Variants in SPP1 observed in about 807,000 individuals in gnomAD.
The protein encoded by SPP1 is osteopontin.
SPP1 carries 18 observed loss-of-function variants against 20.8 expected under a neutral mutation model. The ratio of observed to expected loss-of-function variants is 0.87; its 90% CI spans 0.60 to 1.29. The LOEUF (loss-of-function observed/expected upper bound fraction) is 1.29. Ranked by LOEUF, SPP1 falls within the 50% of genes most tolerant of loss-of-function variation. The pLI, the probability that SPP1 is intolerant of heterozygous loss-of-function variation, is 0.00. For synonymous variants in SPP1, 146 were observed against 141.5 expected (o/e 1.03, Z -0.23); for missense variants, 363 against 389.0 (o/e 0.93, Z 0.56).
chr4:87,980,654 T>G (rs1725603637), intron 5 of SPP1: 1 of 551,770 alleles, frequency 1.8e-6, no homozygotes, highest in African/African-American at 1.9e-5. Context: ...ATGCCTGTTA[T>G]TTGAAACATT....
At chr4:87,978,594 G>A (rs575160808) in intron 3 of SPP1, among the ~76,000 whole-genome samples, 12 of 151,980 alleles carry the variant, frequency 7.9e-5, no homozygotes, top group Non-Finnish European at 1.8e-4. Context: ...GTGTTAGCCA[G>A]GATGGTCTCC....
rs185807861 is a variant in SPP1, at chr4:87,977,240, A to C, written c.93+143A>C. 224 of 833,144 alleles carry C rather than the reference A, an allele frequency of 2.7e-4. 2 individuals are homozygous for C. The East Asian group carries it at 5.9e-3, about 22-fold the overall frequency. The allele number at this position is 833,144 out of a possible 1,614,324, so 51.6% of individuals were successfully genotyped here. A position where few individuals can be genotyped will look rare whatever the true frequency, so the allele number is the denominator to read the frequency against. ...AGTATTGATTGACTGCCTGCTATGA[A>C]TCTAGGCCAGTACCAAGCACAGTAT... On this transcript the variant is annotated intron_variant, in intron 3 of 6. Coordinates refer to ENST00000395080, the MANE Select transcript of SPP1 (RefSeq NM_001040058.2).
At chr4:87,981,924 C>A in intron 6 of SPP1, 126 bp downstream of exon 6, 1 of 840,818 alleles carries the variant, frequency 1.2e-6, no homozygotes, top group Non-Finnish European at 1.8e-6. Flanking sequence ...CATTCATATT[C>A]TACTTTATGA....
intron 3 of SPP1, among the ~76,000 whole-genome samples, chr4:87,979,381 G>A (rs1218289976): frequency 6.6e-6 from 1 of 151,600 alleles, no homozygotes; most frequent in Non-Finnish European, 1.5e-5. Context: ...CACTGTGTTA[G>A]CCAGGATGTT....
chr4:87,981,667 C>G lies in SPP1; in HGVS notation c.409C>G (p.Pro137Ala), dbSNP rs763908241. 6 of 1,614,174 alleles carry G rather than the reference C, an allele frequency of 3.7e-6. No homozygotes were observed. Among genetic ancestry groups the G allele is most frequent in the Non-Finnish European group, 5.1e-6 (6 of 1,180,032 alleles). The change falls in exon 6 of 7, where the codon CCC (proline) becomes GCC (alanine). Residue 137 changes from proline (P) to alanine (A), a missense_variant. Coordinates refer to ENST00000395080, the MANE Select transcript of SPP1 (RefSeq NM_001040058.2). Reference protein sequence around the residue: ...DESDELVTDFPTDLPATEVFT... With the variant: ...DESDELVTDFATDLPATEVFT... ...ATCTGATGAACTGGTCACTGATTTT[C>G]CCACGGACCTGCCAGCAACCGAAGT...
Position 87,983,380 on chromosome 4 carries a change from A to T in SPP1, c.*484A>T, listed in dbSNP as rs1560584791. On this transcript the variant is annotated 3_prime_UTR_variant, in exon 7 of 7. Coordinates refer to ENST00000395080, the MANE Select transcript of SPP1 (RefSeq NM_001040058.2). Reference sequence around the variant, plus strand: ...ATTTGTTTTCCCACGGTTGTCCAGCAATTAATAAAACATAACCTTTTTTAC... The same window carrying T: ...ATTTGTTTTCCCACGGTTGTCCAGCTATTAATAAAACATAACCTTTTTTAC... 2 of 155,046 alleles carry T rather than the reference A, an allele frequency of 1.3e-5. No individual in the cohort carries two copies. The highest frequency in any genetic ancestry group is 1.3e-4 in the Admixed American group (2 of 15,622). The allele number at this position is 155,046 out of a possible 1,614,324, so 9.6% of individuals were successfully genotyped here.
At chr4:87,978,822 C>A (rs1725519363) in intron 3 of SPP1, among the ~76,000 whole-genome samples, 1 of 152,172 alleles carries the variant, frequency 6.6e-6, no homozygotes, top group Non-Finnish European at 1.5e-5. Context: ...TACTCATCCA[C>A]CCCTTAGGTG....
intron 3 of SPP1, chr4:87,977,859 T>G: frequency 8.1e-7 from 1 of 1,237,334 alleles, no homozygotes. Flanking sequence ...AAGTATTCTG[T>G]GTTCGTTTGT....
At chr4:87,978,898 T>C (rs958124631) in intron 3 of SPP1, among the ~76,000 whole-genome samples, 1 of 152,128 alleles carries the variant, frequency 6.6e-6, no homozygotes, top group Non-Finnish European at 1.5e-5. Context: ...ATGTAATGAT[T>C]GGCCCTGGAT....
chr4:87,980,464 T>C, intron 5 of SPP1, 30 bp downstream of exon 5: 2 of 1,612,128 alleles, frequency 1.2e-6, no homozygotes, highest in Middle Eastern at 1.7e-4. Flanking sequence ...CAGAGGCCCA[T>C]CATGCCTTGA....
intron 5 of SPP1, 24 bp downstream of exon 5, chr4:87,980,458 G>A (rs1560582668): frequency 6.2e-7 from 1 of 1,612,826 alleles, no homozygotes; most frequent in Admixed American, 1.7e-5. Context: ...TTCAATCAGA[G>A]GCCCATCATG....
At position 87,977,053 on chromosome 4, in the gene SPP1, TC is replaced by T; in HGVS notation, c.55-5del. 1 of 1,614,086 alleles carries T rather than the reference TC, an allele frequency of 6.2e-7. No individual in the cohort carries two copies. Among genetic ancestry groups the T allele is most frequent in the Non-Finnish European group, 8.5e-7 (1 of 1,179,968 alleles). ...GTAATCTTTCTTCATCTTTTCTGTT[TC>T]TAAGGTTAAACAGGCTGATTCTGGA... is the stretch of plus-strand genomic sequence containing the variant. On this transcript the variant is annotated splice_polypyrimidine_tract_variant and splice_region_variant and intron_variant, in intron 2 of 6. Coordinates refer to ENST00000395080, the MANE Select transcript of SPP1 (RefSeq NM_001040058.2).
chr4:87,975,898 A>G (rs1284269112), intron 1 of SPP1, 98 bp downstream of exon 1: 1 of 152,226 alleles, frequency 6.6e-6, no homozygotes, highest in African/African-American at 2.4e-5. Context: ...ATGCTGTTAA[A>G]CAGACTTAAA....
chr4:87,980,338 A>C, intron 4 of SPP1, 55 bp from the exon 5 acceptor site: 1 of 1,601,708 alleles, frequency 6.2e-7, no homozygotes, highest in South Asian at 1.1e-5. Context: ...TTAACTTTTG[A>C]ATAAAAAAGC....
chr4:87,978,160 A>C (rs960287377), intron 3 of SPP1: 1 of 153,504 alleles, frequency 6.5e-6, no homozygotes, highest in South Asian at 2.0e-4. Context: ...TATATGCCTG[A>C]AAATACACAC....
At position 87,982,864 on chromosome 4, in the gene SPP1, G is replaced by T. The variant is rs534131423; in HGVS notation, c.913G>T (p.Glu305Ter). ...ACACCTGAAATTTCGTATTTCTCATGAATTAGATAGTGCATCTTCTGAGGT... is the reference window on the plus strand; with the variant it reads ...ACACCTGAAATTTCGTATTTCTCATTAATTAGATAGTGCATCTTCTGAGGT... ...DKHLKFRISH[E>*]LDSASSEVN is the part of the protein sequence containing the mutation. The change falls in exon 7 of 7, where the codon GAA becomes TAA. Residue 305 changes from glutamate to a stop codon, truncating the protein, a stop_gained. Coordinates refer to ENST00000395080, the MANE Select transcript of SPP1 (RefSeq NM_001040058.2). LOFTEE classifies it high-confidence loss of function. 1 of 1,613,592 alleles carries T rather than the reference G, an allele frequency of 6.2e-7. No individual in the cohort carries two copies. The highest frequency in any genetic ancestry group is 8.5e-7 in the Non-Finnish European group (1 of 1,179,760).
At chr4:87,978,914 A>C (rs1007770683) in intron 3 of SPP1, among the ~76,000 whole-genome samples, 4 of 152,124 alleles carry the variant, frequency 2.6e-5, no homozygotes, top group Non-Finnish European at 4.4e-5. Context: ...TGGATGATTC[A>C]GCAGATCAGA....
At chr4:87,976,999 G>T (rs1725405666) in intron 2 of SPP1, 50 bp downstream of exon 2, 1 of 1,612,198 alleles carries the variant, frequency 6.2e-7, no homozygotes, top group African/African-American at 1.3e-5. Context: ...ACTGAATTGT[G>T]TGCTTCCATG....
Position 87,982,934 on chromosome 4 carries a change from C to A in SPP1, c.*38C>A, listed in dbSNP as rs555655081. On this transcript the variant is annotated 3_prime_UTR_variant, in exon 7 of 7. Transcript: ENST00000395080. ...TACAATTTCTCACTTTGCATTTAGT[C>A]AAAAGAAAAAATGCTTTATAGCAAA... 6.5e-7 allele frequency: 1 copy of A among 1,535,298 alleles called. No individual in the cohort carries two copies. Among genetic ancestry groups the A allele is most frequent in the South Asian group, 1.3e-5 (1 of 77,324 alleles).
Sources: gnomAD v4.1 joint callset for allele counts (sites outside exome capture counted in the v4.1 genomes callset) on GRCh38, gnomAD v4.1.1 for gene constraint, MANE v1.5 for transcripts, NCBI Gene and HGNC (gene_info 2026-07-23, HGNC 2026-07-21) for gene names.